Variants in LRRC4C observed in about 807,000 individuals in gnomAD.
LRRC4C encodes the protein leucine-rich repeat-containing protein 4C.
In LRRC4C, 5 loss-of-function variants were observed where a neutral mutation model predicts 33.6. The ratio of observed to expected loss-of-function variants is 0.15; its 90% CI spans 0.08 to 0.31. LRRC4C has a LOEUF of 0.31. LRRC4C is among the 10% of genes least tolerant of loss of function. LRRC4C has a pLI of 1.00. For synonymous variants in LRRC4C, 329 were observed against 302.0 expected (o/e 1.09, Z -0.93); for missense variants, 560 against 796.7 (o/e 0.70, Z 3.58).
chr11:41,294,468 T>G (rs1334101240), intron 1 of LRRC4C, among the ~76,000 whole-genome samples: 2 of 152,222 alleles, frequency 1.3e-5, no homozygotes, highest in Non-Finnish European at 2.9e-5. Context: ...CAGAGACTAC[T>G]GTGGGTATAC....
intron 3 of LRRC4C, among the ~76,000 whole-genome samples, chr11:40,602,480 A>G (rs943047105): frequency 5.3e-5 from 8 of 152,182 alleles, no homozygotes; most frequent in African/African-American, 1.7e-4. Flanking sequence ...GACACATAAT[A>G]AATACAAATT....
At chr11:40,555,206 T>C (rs1029058473) in intron 3 of LRRC4C, among the ~76,000 whole-genome samples, 1 of 152,130 alleles carries the variant, frequency 6.6e-6, no homozygotes. Flanking sequence ...GAGAGATAAT[T>C]TTCCTTCCTT....
chr11:41,018,784 G>A (rs1367014378), intron 1 of LRRC4C, among the ~76,000 whole-genome samples: 1 of 152,062 alleles, frequency 6.6e-6, no homozygotes, highest in Admixed American at 6.6e-5. Flanking sequence ...TCTGCGTGGT[G>A]GTGAATGCTA....
chr11:40,766,948 C>T (rs1229218214), intron 2 of LRRC4C, among the ~76,000 whole-genome samples: 1 of 151,498 alleles, frequency 6.6e-6, no homozygotes, highest in Admixed American at 6.6e-5. Flanking sequence ...CACAAAGTGG[C>T]AGTGGTAAGT....
At chr11:40,592,464 A>T (rs1959102959) in intron 3 of LRRC4C, among the ~76,000 whole-genome samples, 1 of 152,198 alleles carries the variant, frequency 6.6e-6, no homozygotes, top group Non-Finnish European at 1.5e-5. Context: ...TAATCCTACT[A>T]GTCTGGGAAG....
At chr11:40,563,625 T>C (rs1470223424) in intron 3 of LRRC4C, among the ~76,000 whole-genome samples, 1 of 152,148 alleles carries the variant, frequency 6.6e-6, no homozygotes, top group Admixed American at 6.5e-5. Flanking sequence ...CATGGGCTAA[T>C]AGTTGGTGGC....
intron 3 of LRRC4C, among the ~76,000 whole-genome samples, chr11:40,373,063 T>G (rs1159084702): frequency 6.6e-6 from 1 of 152,208 alleles, no homozygotes; most frequent in African/African-American, 2.4e-5. Context: ...TTCTGACATT[T>G]TTAATAAAAG....
Position 41,024,853 on chromosome 11 carries a change from T to C in LRRC4C, c.-495-91130A>G, listed in dbSNP as rs141838776. Among the ~76,000 whole-genome samples the C allele has an allele frequency of 3.0e-3, 459 of 151,894 alleles. 2 individuals are homozygous for C. The highest frequency in any genetic ancestry group is 9.1e-3 in the African/African-American group (378 of 41,524). Reference sequence around the variant, plus strand: ...GGCAAATTTATTGGTGCCACTTTTTTTTCAACACTATGCGCTCACTTCCTG... The same window carrying C: ...GGCAAATTTATTGGTGCCACTTTTTCTTCAACACTATGCGCTCACTTCCTG... On this transcript the variant is annotated intron_variant, in intron 1 of 6. Transcript: ENST00000528697.
intron 1 of LRRC4C, among the ~76,000 whole-genome samples, chr11:41,050,020 G>T (rs1021011602): frequency 1.3e-5 from 2 of 152,068 alleles, no homozygotes; most frequent in Admixed American, 6.6e-5. Context: ...ATTAACTTGG[G>T]GGTAAATAGT....
intron 5 of LRRC4C, among the ~76,000 whole-genome samples, chr11:40,208,882 C>G (rs1000334924): frequency 6.6e-5 from 10 of 151,444 alleles, no homozygotes; most frequent in African/African-American, 2.4e-4. Flanking sequence ...TTAAAATTAG[C>G]CAAGGGGGAT....
rs185591344 is a variant in LRRC4C at position 40,579,853 on chromosome 11, C to T, written c.-270+68289G>A. Among the ~76,000 whole-genome samples, 621 of 152,214 alleles carry T rather than the reference C, an allele frequency of 4.1e-3. 5 individuals carry two copies. The highest frequency in any genetic ancestry group is 0.014 in the African/African-American group (586 of 41,524). On this transcript the variant is annotated intron_variant, in intron 3 of 6. Coordinates refer to ENST00000528697, the MANE Select transcript of LRRC4C (RefSeq NM_001258419.2). ...TCACCCAGGCTGGAGTGCAGTGGCG[C>T]GATCTTCGCTCACTTCAATCCCCAT...
intron 1 of LRRC4C, among the ~76,000 whole-genome samples, chr11:41,104,277 G>A (rs1460786613): frequency 6.6e-6 from 1 of 151,674 alleles, no homozygotes; most frequent in Non-Finnish European, 1.5e-5. Flanking sequence ...GTCAAATAAA[G>A]AAGCCAATTA....
At chr11:41,291,409 T>C (rs959514455) in intron 1 of LRRC4C, among the ~76,000 whole-genome samples, 1 of 152,186 alleles carries the variant, frequency 6.6e-6, no homozygotes, top group Non-Finnish European at 1.5e-5. Context: ...TCCTGAGATA[T>C]GCCAGAAATC....
At chr11:41,194,545 C>T (rs1000781046) in intron 1 of LRRC4C, among the ~76,000 whole-genome samples, 2 of 152,004 alleles carry the variant, frequency 1.3e-5, no homozygotes, top group African/African-American at 2.4e-5. Flanking sequence ...TTGTTGGCTT[C>T]GAGGAATCAA....
intron 1 of LRRC4C, among the ~76,000 whole-genome samples, chr11:41,043,433 G>A (rs544191700): frequency 1.3e-5 from 2 of 152,176 alleles, no homozygotes; most frequent in African/African-American, 2.4e-5. Flanking sequence ...AATTAAAAAT[G>A]TTAAATGTTG....
intron 2 of LRRC4C, among the ~76,000 whole-genome samples, chr11:40,887,600 T>C (rs1251783471): frequency 1.3e-5 from 2 of 152,010 alleles, no homozygotes; most frequent in East Asian, 1.9e-4. Context: ...TTGTTACCCA[T>C]AGCATAGCCA....
chr11:40,157,321 T>A (rs1858782068), intron 5 of LRRC4C, among the ~76,000 whole-genome samples: 1 of 152,112 alleles, frequency 6.6e-6, no homozygotes, highest in South Asian at 2.1e-4. Flanking sequence ...AAGACAACAT[T>A]GGAAAAACCC....
chr11:40,698,067 C>CA lies in LRRC4C; in HGVS notation c.-406-49790dup, dbSNP rs10713512. Among the ~76,000 whole-genome samples, 538 of 105,126 alleles carry CA rather than the reference C, an allele frequency of 5.1e-3. 9 individuals are homozygous for CA. The East Asian group carries it at 0.053, about 10-fold the overall frequency. 69.0% of individuals were successfully genotyped at this position (105,126 alleles called of 152,430 possible). On this transcript the variant is annotated intron_variant, in intron 2 of 6. Coordinates refer to ENST00000528697, the MANE Select transcript of LRRC4C (RefSeq NM_001258419.2). Reference sequence around the variant, plus strand: ...TGGGCAACAGAGTGAGACTCTGTCTCAAAAAAAAAAAAAAAAAAATTACAT... The same window carrying CA: ...TGGGCAACAGAGTGAGACTCTGTCTCAAAAAAAAAAAAAAAAAAAATTACAT...
chr11:40,642,966 T>G (rs967361602), intron 3 of LRRC4C, among the ~76,000 whole-genome samples: 2 of 152,122 alleles, frequency 1.3e-5, no homozygotes, highest in African/African-American at 4.8e-5. Context: ...TTCCTATTTA[T>G]CCCATTAAAG....
Sources: gnomAD v4.1 joint callset for allele counts (sites outside exome capture counted in the v4.1 genomes callset) on GRCh38, gnomAD v4.1.1 for gene constraint, MANE v1.5 for transcripts, NCBI Gene and HGNC (gene_info 2026-07-23, HGNC 2026-07-21) for gene names.